TECTA: variants seen among roughly 807,000 people sequenced by gnomAD.
The protein encoded by TECTA is alpha-tectorin.
Under a neutral mutation model 216.8 loss-of-function variants are expected in TECTA, and 128 were observed. That is an observed-to-expected ratio of 0.59 (90% CI 0.51 to 0.68). The LOEUF is 0.68. Among genes scored for constraint, TECTA ranks in the 30% least tolerant of loss-of-function variants. The probability of loss-of-function intolerance (pLI) is 0.00; values close to 1 mark genes in which losing one functional copy is unlikely to be tolerated. For synonymous variants in TECTA, 1,089 were observed against 1,117.1 expected (o/e 0.97, Z 0.50); for missense variants, 2,551 against 2,786.2 (o/e 0.92, Z 1.90).
chr11:121,102,917 C>T (rs1946359864), intron 2 of TECTA, among the ~76,000 whole-genome samples, 188 bp downstream of exon 2: 1 of 152,038 alleles, frequency 6.6e-6, no homozygotes, highest in African/African-American at 2.4e-5. Flanking sequence ...ACTTATATTC[C>T]CACTTTTTTC....
Position 121,113,024 on chromosome 11 carries a change from AC to A in TECTA, c.487-46del, listed in dbSNP as rs1471152794. 6.2e-7 allele frequency: 1 copy of A among 1,612,806 alleles called. No homozygotes were observed. The highest frequency in any genetic ancestry group is 1.7e-5 in the Admixed American group (1 of 59,966). On this transcript the variant is annotated intron_variant, in intron 4 of 23. Transcript: ENST00000392793. This position sits in a 1 kb window ranked among gnomAD's most constrained non-coding sequence, Gnocchi z 4.2. ...AAGGGAGGACCTCCTTGGGGCCAGGACCTCCTGGGGAGTGCAAGTCATGAGA... is the reference window on the plus strand; with the variant it reads ...AAGGGAGGACCTCCTTGGGGCCAGGACTCCTGGGGAGTGCAAGTCATGAGA...
chr11:121,121,565 T>C (rs1245308419), intron 7 of TECTA, among the ~76,000 whole-genome samples: 1 of 151,344 alleles, frequency 6.6e-6, no homozygotes, highest in Non-Finnish European at 1.5e-5. Context: ...TGAAAGGGGG[T>C]GCAATGATCA....
intron 20 of TECTA, among the ~76,000 whole-genome samples, chr11:121,178,628 C>T (rs150695673): frequency 2.8e-4 from 43 of 150,998 alleles, no homozygotes; most frequent in African/African-American, 1.0e-3. Context: ...GAAGAATCCC[C>T]AAATTCCTTC....
chr11:121,159,061 A>G (rs1476660204), intron 14 of TECTA, among the ~76,000 whole-genome samples: 1 of 152,106 alleles, frequency 6.6e-6, no homozygotes. Context: ...CACATTAACA[A>G]TTTTTGGAAT....
At position 121,125,352 on chromosome 11, in the gene TECTA, G is replaced by A. The variant is rs765797401; in HGVS notation, c.1254G>A (p.Val418=). 3 of 1,614,134 alleles carry A rather than the reference G, an allele frequency of 1.9e-6. No individual in the cohort carries two copies. The highest frequency in any genetic ancestry group is 2.5e-6 in the Non-Finnish European group (3 of 1,180,046). ...CTGTCACCTTAGACTTGGGGACAGTGAAAATCTACCAGAGTGGCATATCTA... is the reference window on the plus strand; with the variant it reads ...CTGTCACCTTAGACTTGGGGACAGTAAAAATCTACCAGAGTGGCATATCTA... ...SLPVTLDLGT[V]KIYQSGISTA... Residue 418 remains valine (V), a synonymous_variant, in exon 8 of 24, where the codon GTG becomes GTA. Transcript: ENST00000392793.
At chr11:121,136,928 A>G (rs1322351756) in intron 10 of TECTA, among the ~76,000 whole-genome samples, 2 of 152,254 alleles carry the variant, frequency 1.3e-5, no homozygotes, top group Non-Finnish European at 2.9e-5. Flanking sequence ...AGTGCCTGGC[A>G]TGTCGCAGGT....
intron 12 of TECTA, 26 bp from the exon 13 acceptor site, chr11:121,152,855 G>GT: frequency 1.9e-6 from 3 of 1,586,054 alleles, no homozygotes; most frequent in Non-Finnish European, 2.6e-6. Context: ...GATCGTGCGA[G>GT]TCTTGACTTG....
intron 2 of TECTA, 132 bp downstream of exon 2, chr11:121,102,861 A>G: frequency 7.4e-6 from 6 of 806,108 alleles, no homozygotes; most frequent in Non-Finnish European, 1.3e-5. Flanking sequence ...AAATGTAATT[A>G]AATTCTATTA....
chr11:121,108,726 T>G (rs1946414779), intron 3 of TECTA, among the ~76,000 whole-genome samples: 1 of 138,150 alleles, frequency 7.2e-6, no homozygotes, highest in Non-Finnish European at 1.6e-5. Context: ...CCCACTCCAG[T>G]ACACACACAC....
chr11:121,187,946 T>G lies in TECTA; in HGVS notation c.6114T>G (p.Leu2038=). The G allele has an allele frequency of 1.2e-6, 2 of 1,614,240 alleles. No homozygotes were observed. The highest frequency in any genetic ancestry group is 1.7e-6 in the Non-Finnish European group (2 of 1,180,046). The part of the protein sequence containing the change: ...KFIGDYDEVH[L]HCAVSLCDSE... Reference sequence around the variant, plus strand: ...TAGGGGATTACGACGAAGTTCACCTTCACTGTGCAGTGTCACTCTGCGACT... The same window carrying G: ...TAGGGGATTACGACGAAGTTCACCTGCACTGTGCAGTGTCACTCTGCGACT... The change falls in exon 21 of 24, where the codon CTT becomes CTG. Residue 2038 remains leucine, a synonymous_variant. Transcript: ENST00000392793.
At chr11:121,112,305 T>G (rs942662781) in intron 4 of TECTA, among the ~76,000 whole-genome samples, 4 of 152,202 alleles carry the variant, frequency 2.6e-5, no homozygotes, top group Non-Finnish European at 4.4e-5. Context: ...AGAGATGGAC[T>G]GGGAACTCTG....
chr11:121,155,298 C>A (rs1226337010), intron 13 of TECTA, among the ~76,000 whole-genome samples: 26 of 152,178 alleles, frequency 1.7e-4, no homozygotes, highest in Admixed American at 1.7e-3. Context: ...TTTATCGTAT[C>A]CACATACATC....
rs1221362786 is a variant in TECTA at position 121,162,244 on chromosome 11, T to C, written c.5146T>C (p.Ser1716Pro). Residue 1716 changes from serine (S) to proline (P), a missense_variant, in exon 16 of 24, where the codon TCC becomes CCC. Ser to Pro is a moderately conservative substitution (Grantham distance 74, BLOSUM62 -1). Around this residue, in one of 3 missense-constraint regions of TECTA, gnomAD observed 2,375 missense variants for 2,563.9 expected, o/e 0.93. Transcript: ENST00000392793. ...GLLDPLPFYE[S>P]CYLDGCYSHK... ...TCTCGATCCCCTCCCATTCTACGAG[T>C]CCTGCTACCTGGACGGCTGCTACAG... 5 of 1,614,056 alleles carry C rather than the reference T, an allele frequency of 3.1e-6. No individual in the cohort carries two copies. The highest frequency in any genetic ancestry group is 4.2e-6 in the Non-Finnish European group (5 of 1,180,036).
At chr11:121,137,244 ACACG>A (rs969128310) in intron 10 of TECTA, among the ~76,000 whole-genome samples, 173 bp from the exon 11 acceptor site, 5 of 152,150 alleles carry the variant, frequency 3.3e-5, no homozygotes, top group African/African-American at 1.2e-4. Flanking sequence ...GCACTCGCAC[ACACG>A]CACGTGCACA....
At chr11:121,123,786 C>T (rs1946581634) in intron 7 of TECTA, among the ~76,000 whole-genome samples, 1 of 152,202 alleles carries the variant, frequency 6.6e-6, no homozygotes, top group African/African-American at 2.4e-5. Context: ...AGAGTCAAAG[C>T]CAAAGTCTTT....
chr11:121,172,781 T>G (rs1317493239), intron 20 of TECTA, among the ~76,000 whole-genome samples: 1 of 152,146 alleles, frequency 6.6e-6, no homozygotes, highest in Non-Finnish European at 1.5e-5. Flanking sequence ...TCTGCAAGGG[T>G]TGAACTAGTT....
At chr11:121,115,764 A>G (rs1946496211) in intron 6 of TECTA, among the ~76,000 whole-genome samples, 1 of 152,072 alleles carries the variant, frequency 6.6e-6, no homozygotes, top group African/African-American at 2.4e-5. Context: ...GGGCTCAAGT[A>G]ATCCTCTCAC....
At position 121,109,198 on chromosome 11, in the gene TECTA, CTT is replaced by C. The variant is rs745461855; in HGVS notation, c.199-12_199-11del. ...TTCAGATCCACTGTGCAAAACCTCT[CTT>C]ATTTTCGTAGGTCAATAACAACGGA... On this transcript the variant is annotated splice_polypyrimidine_tract_variant and intron_variant, in intron 3 of 23. Coordinates refer to ENST00000392793, the MANE Select transcript of TECTA (RefSeq NM_005422.4). 5.0e-6 allele frequency: 8 copies of C among 1,613,942 alleles called. No homozygotes were observed. The South Asian group carries it at 5.5e-5, about 11-fold the overall frequency.
intron 20 of TECTA, among the ~76,000 whole-genome samples, chr11:121,171,394 C>T (rs1373939597): frequency 6.6e-6 from 1 of 152,014 alleles, no homozygotes; most frequent in African/African-American, 2.4e-5. Flanking sequence ...GTGAGTATTG[C>T]TTGGGCTATT....
Sources: allele counts gnomAD v4.1 joint callset (sites outside exome capture counted in the v4.1 genomes callset), GRCh38; gene constraint gnomAD v4.1.1; regional missense constraint gnomAD v4.1.1; non-coding constraint Gnocchi (gnomAD v3.1); transcripts MANE v1.5; gene names NCBI Gene and HGNC (gene_info 2026-07-23, HGNC 2026-07-21).